SNAPC1: variants seen among roughly 807,000 people sequenced by gnomAD.
The protein encoded by SNAPC1 is snRNA-activating protein complex subunit 1.
SNAPC1 carries 42 observed loss-of-function variants against 50.1 expected under a neutral mutation model. The ratio of observed to expected loss-of-function variants is 0.84; its 90% CI spans 0.65 to 1.08. The LOEUF is 1.08. Ranked by LOEUF, SNAPC1 falls within the 50% of genes least tolerant of loss-of-function variation. SNAPC1 has a pLI of 0.00. For missense variants in SNAPC1, 477 were observed against 427.3 expected, an observed-to-expected ratio of 1.12 and a Z score of -1.02; for synonymous variants, 164 against 144.2, an observed-to-expected ratio of 1.14 and a Z score of -0.98.
At chr14:61,788,428 C>G (rs2045129843) in intron 8 of SNAPC1, among the ~76,000 whole-genome samples, 1 of 152,104 alleles carries the variant, frequency 6.6e-6, no homozygotes, top group Admixed American at 6.5e-5. Flanking sequence ...GGCAAAAGAT[C>G]TTACAAATCC....
At chr14:61,764,199 G>T (rs772829484) in intron 1 of SNAPC1, among the ~76,000 whole-genome samples, 2 of 152,170 alleles carry the variant, frequency 1.3e-5, no homozygotes, top group African/African-American at 2.4e-5. Context: ...TGACTAGACT[G>T]ACCTCTGTGA....
chr14:61,790,107 A>C (rs1566593909), intron 8 of SNAPC1, among the ~76,000 whole-genome samples: 1 of 152,226 alleles, frequency 6.6e-6, no homozygotes, highest in Non-Finnish European at 1.5e-5. Context: ...CAATGACACA[A>C]TAAAGATTTC....
At position 61,782,417 on chromosome 14, in the gene SNAPC1, C is replaced by A. The variant is rs2045082574; in HGVS notation, c.976+20C>A. On this transcript the variant is annotated intron_variant, in intron 8 of 9. Transcript: ENST00000216294. ...ACAAAGGTAACTTTTTAAAGTCTTA[C>A]TAAGATTCAACAAAGGAGAATGGGT... is the stretch of plus-strand genomic sequence containing the variant. The A allele has an allele frequency of 6.3e-7, 1 of 1,586,712 alleles. No homozygotes were observed. Among genetic ancestry groups the A allele is most frequent in the South Asian group, 1.2e-5 (1 of 86,708 alleles).
At chr14:61,788,170 A>T (rs2045128139) in intron 8 of SNAPC1, among the ~76,000 whole-genome samples, 1 of 152,218 alleles carries the variant, frequency 6.6e-6, no homozygotes, top group Non-Finnish European at 1.5e-5. Context: ...TCAGGGTGTT[A>T]GGGAGGATTT....
At chr14:61,775,551 G>T (rs921138780) in intron 4 of SNAPC1, among the ~76,000 whole-genome samples, 3 of 152,178 alleles carry the variant, frequency 2.0e-5, no homozygotes, top group Non-Finnish European at 4.4e-5. Context: ...ACCACACCTG[G>T]CCTACCCTCT....
intron 9 of SNAPC1, among the ~76,000 whole-genome samples, chr14:61,793,494 C>T (rs1009151758): frequency 6.6e-5 from 10 of 152,096 alleles, no homozygotes; most frequent in Non-Finnish European, 1.5e-5. Context: ...CCACTTGCCT[C>T]AGCCTTCCAA....
chr14:61,784,660 G>A (rs956325916), intron 8 of SNAPC1, among the ~76,000 whole-genome samples: 11 of 152,206 alleles, frequency 7.2e-5, no homozygotes, highest in African/African-American at 2.7e-4. Context: ...AAAAGCAGGT[G>A]GTTGGTCACA....
intron 4 of SNAPC1, among the ~76,000 whole-genome samples, chr14:61,769,177 G>A (rs1355576613): frequency 2.6e-5 from 4 of 151,942 alleles, no homozygotes; most frequent in Admixed American, 2.6e-4. Context: ...GGCCAATATG[G>A]TGAAATCCCG....
At chr14:61,790,676 C>G (rs2045145763) in intron 8 of SNAPC1, among the ~76,000 whole-genome samples, 1 of 152,014 alleles carries the variant, frequency 6.6e-6, no homozygotes, top group Admixed American at 6.6e-5. Context: ...TCTCACATGT[C>G]CAAGACCTTC....
chr14:61,772,765 G>T (rs2045001820), intron 4 of SNAPC1, among the ~76,000 whole-genome samples: 2 of 152,146 alleles, frequency 1.3e-5, no homozygotes, highest in African/African-American at 2.4e-5. Flanking sequence ...TTTTCAACAT[G>T]CTTTTTCATT....
chr14:61,781,702 T>C lies in SNAPC1; in HGVS notation c.826-545T>C, dbSNP rs74054875. On this transcript the variant is annotated intron_variant, in intron 7 of 9. Transcript: ENST00000216294. ...CTCCAGCCTTGCATGTTCCCAGCTT[T>C]AGCTTCCAAGGCAAGAAAGAATTTT... Among the ~76,000 whole-genome samples the C allele has an allele frequency of 5.0e-3, 764 of 152,312 alleles. 5 individuals carry two copies. Among genetic ancestry groups the C allele is most frequent in the African/African-American group, 0.017 (724 of 41,560 alleles).
intron 4 of SNAPC1, among the ~76,000 whole-genome samples, chr14:61,772,487 C>T (rs1263924162): frequency 1.3e-5 from 2 of 152,240 alleles, no homozygotes; most frequent in Non-Finnish European, 2.9e-5. Context: ...TTGTGATCCA[C>T]CCACCTTGGC....
At chr14:61,782,488 T>G in intron 8 of SNAPC1, 91 bp downstream of exon 8, 3 of 900,340 alleles carry the variant, frequency 3.3e-6, no homozygotes, top group Non-Finnish European at 4.9e-6. Context: ...TTAAGAAGGA[T>G]TAGATACTTG....
intron 9 of SNAPC1, among the ~76,000 whole-genome samples, chr14:61,793,184 G>A (rs979608118): frequency 1.3e-5 from 2 of 152,186 alleles, no homozygotes; most frequent in Non-Finnish European, 2.9e-5. Context: ...CATCTGGACA[G>A]TGTTCCAGTA....
At chr14:61,765,597 A>T (rs998491597) in intron 1 of SNAPC1, among the ~76,000 whole-genome samples, 5 of 152,192 alleles carry the variant, frequency 3.3e-5, no homozygotes, top group Admixed American at 3.3e-4. Flanking sequence ...TAGCTTTTCC[A>T]AAGGAGGCAA....
At chr14:61,765,484 C>T (rs1430093082) in intron 1 of SNAPC1, among the ~76,000 whole-genome samples, 2 of 152,098 alleles carry the variant, frequency 1.3e-5, no homozygotes, top group South Asian at 2.1e-4. Flanking sequence ...TCTGGAAAGG[C>T]GGGACAACTT....
intron 8 of SNAPC1, among the ~76,000 whole-genome samples, chr14:61,783,017 A>ATTTTTTTT (rs767793462): frequency 3.5e-5 from 4 of 115,258 alleles, no homozygotes; most frequent in Non-Finnish European, 5.3e-5. Flanking sequence ...TTTCCAGTGC[A>ATTTTTTTT]TTTTTTTTTT....
chr14:61,792,047 G>GC (rs2140187126), intron 8 of SNAPC1, among the ~76,000 whole-genome samples: 3 of 151,024 alleles, frequency 2.0e-5, no homozygotes, highest in African/African-American at 7.3e-5. Context: ...AGGTTGCAAT[G>GC]AGCCAAGATC....
Position 61,782,276 on chromosome 14 carries a change from C to T in SNAPC1, c.855C>T (p.Val285=). 1 of 1,605,564 alleles carries T rather than the reference C, an allele frequency of 6.2e-7. No homozygotes were observed. The highest frequency in any genetic ancestry group is 2.2e-5 in the East Asian group (1 of 44,678). ...CCAAATCAAGAAGGCATCGTCAAGT[C>T]AAACTCGACTCTTCTGACTCTGATT... ...QASKSRRHRQ[V]KLDSSDSDSA... Residue 285 remains valine (V), a synonymous_variant, in exon 8 of 10, where the codon GTC becomes GTT. Transcript: ENST00000216294.
Sources: gnomAD v4.1 joint callset for allele counts (sites outside exome capture counted in the v4.1 genomes callset) on GRCh38, gnomAD v4.1.1 for gene constraint, MANE v1.5 for transcripts, NCBI Gene and HGNC (gene_info 2026-07-23, HGNC 2026-07-21) for gene names.